The following CTNNA2 variants were observed in gnomAD, a reference collection of about 807,000 sequenced individuals.
CTNNA2 encodes the protein catenin alpha 2, also known as catenin alpha-2.
In CTNNA2, 42 loss-of-function variants were observed where a neutral mutation model predicts 101.0. That is an observed-to-expected ratio of 0.42 (90% CI 0.32 to 0.54). The LOEUF is 0.54. Among genes scored for constraint, CTNNA2 ranks in the 20% least tolerant of loss-of-function variants. CTNNA2 has a pLI of 0.14. For synonymous variants in CTNNA2, 450 were observed against 456.4 expected (o/e 0.99, Z 0.18); for missense variants, 871 against 1,223.1 (o/e 0.71, Z 4.29).
chr2:80,230,704 A>G (rs1196447487), intron 7 of CTNNA2, among the ~76,000 whole-genome samples: 2 of 152,168 alleles, frequency 1.3e-5, no homozygotes, highest in Admixed American at 1.3e-4. Context: ...GAACCACTGC[A>G]GCTATTTTGT....
At chr2:80,586,177 A>C (rs1695956337) in intron 14 of CTNNA2, 2 of 152,222 alleles carry the variant, frequency 1.3e-5, no homozygotes, top group Non-Finnish European at 2.9e-5. Flanking sequence ...AGGGAAGCAT[A>C]TAAAGAAGTT....
chr2:80,096,020 C>T (rs1266872055), intron 7 of CTNNA2, among the ~76,000 whole-genome samples: 1 of 151,902 alleles, frequency 6.6e-6, no homozygotes, highest in South Asian at 2.1e-4. Flanking sequence ...CTGCTCTGAT[C>T]TTAGTTATTT....
chr2:79,866,975 C>T (rs546535081), intron 4 of CTNNA2, among the ~76,000 whole-genome samples: 7 of 152,248 alleles, frequency 4.6e-5, no homozygotes, highest in African/African-American at 1.4e-4. Context: ...CAAATCCAGA[C>T]CAATCTGACC....
chr2:80,430,966 C>A (rs775747150), intron 9 of CTNNA2, among the ~76,000 whole-genome samples: 1 of 151,988 alleles, frequency 6.6e-6, no homozygotes, highest in Non-Finnish European at 1.5e-5. Flanking sequence ...AGATCAGACA[C>A]CTTCAATGCA....
intron 7 of CTNNA2, among the ~76,000 whole-genome samples, chr2:80,346,485 C>T (rs948599452): frequency 3.3e-5 from 5 of 152,252 alleles, no homozygotes; most frequent in South Asian, 4.1e-4. Flanking sequence ...CTTCATGATC[C>T]GAACACCTTC....
chr2:79,912,520 GA>G (rs567141184), intron 7 of CTNNA2, among the ~76,000 whole-genome samples: 2 of 152,316 alleles, frequency 1.3e-5, no homozygotes, highest in African/African-American at 4.8e-5. Flanking sequence ...GGTGATATTT[GA>G]AAAAAGGCTG....
chr2:80,626,040 C>A (rs1029648688), intron 18 of CTNNA2, among the ~76,000 whole-genome samples: 1 of 151,862 alleles, frequency 6.6e-6, no homozygotes, highest in African/African-American at 2.4e-5. Context: ...TTGAAAGTAA[C>A]ATGGTTGATT....
intron 2 of CTNNA2, among the ~76,000 whole-genome samples, chr2:79,235,490 T>G (rs1447829965): frequency 1.3e-5 from 2 of 152,074 alleles, no homozygotes; most frequent in Admixed American, 1.3e-4. Context: ...TTCTGACCGC[T>G]GACTCCATGC....
chr2:80,386,791 T>G (rs1677048683), intron 7 of CTNNA2, among the ~76,000 whole-genome samples: 1 of 152,206 alleles, frequency 6.6e-6, no homozygotes, highest in African/African-American at 2.4e-5. Context: ...TCCTTATACA[T>G]TCAGTCATGT....
At chr2:80,469,567 T>G (rs1246959342) in intron 9 of CTNNA2, among the ~76,000 whole-genome samples, 2 of 152,218 alleles carry the variant, frequency 1.3e-5, no homozygotes, top group East Asian at 1.9e-4. Context: ...GTAGCTTTCT[T>G]GCTGAACACT....
At chr2:80,594,954 T>C (rs1339448269) in intron 15 of CTNNA2, among the ~76,000 whole-genome samples, 1 of 152,132 alleles carries the variant, frequency 6.6e-6, no homozygotes, top group Non-Finnish European at 1.5e-5. Flanking sequence ...TCTCCAATTT[T>C]TGTTCTTTTC....
intron 9 of CTNNA2, among the ~76,000 whole-genome samples, chr2:80,464,071 C>G (rs1030716924): frequency 6.6e-5 from 10 of 152,108 alleles, no homozygotes; most frequent in Admixed American, 3.9e-4. Context: ...ATTGGTCTGT[C>G]CTTGACCCAG....
intron 2 of CTNNA2, among the ~76,000 whole-genome samples, chr2:79,653,672 C>T (rs1023062802): frequency 4.6e-5 from 7 of 152,144 alleles, no homozygotes; most frequent in African/African-American, 1.4e-4. Context: ...CTTTTGAAGT[C>T]TTCATACGTT....
At chr2:79,827,821 A>G (rs1678565991) in intron 3 of CTNNA2, among the ~76,000 whole-genome samples, 1 of 152,246 alleles carries the variant, frequency 6.6e-6, no homozygotes, top group East Asian at 1.9e-4. Context: ...TCACACTGTC[A>G]GGTAGTCACA....
At chr2:80,038,631 AG>A (rs1409126992) in intron 7 of CTNNA2, among the ~76,000 whole-genome samples, 1 of 152,140 alleles carries the variant, frequency 6.6e-6, no homozygotes, top group Non-Finnish European at 1.5e-5. Context: ...GGATCACTTG[AG>A]GTCAGGAGTT....
At chr2:79,877,458 A>T (rs1683111714) in intron 6 of CTNNA2, among the ~76,000 whole-genome samples, 1 of 152,190 alleles carries the variant, frequency 6.6e-6, no homozygotes, top group African/African-American at 2.4e-5. Flanking sequence ...AAATTTTCTC[A>T]TTAAAATAAT....
At chr2:80,434,458 T>C (rs1240302645) in intron 9 of CTNNA2, among the ~76,000 whole-genome samples, 1 of 151,744 alleles carries the variant, frequency 6.6e-6, no homozygotes, top group Non-Finnish European at 1.5e-5. Context: ...ATTGTTGTCA[T>C]TGTTGTCTGT....
At chr2:80,626,110 T>C (rs1671656160) in intron 18 of CTNNA2, among the ~76,000 whole-genome samples, 1 of 152,012 alleles carries the variant, frequency 6.6e-6, no homozygotes, top group Non-Finnish European at 1.5e-5. Context: ...TATATATAAA[T>C]ATGAAATATT....
chr2:80,166,687 A>G (rs1251595812), intron 7 of CTNNA2, among the ~76,000 whole-genome samples: 1 of 152,182 alleles, frequency 6.6e-6, no homozygotes, highest in Non-Finnish European at 1.5e-5. Flanking sequence ...ATGACAGGTC[A>G]CAGTCTGGGG....
Sources: allele counts gnomAD v4.1 joint callset (sites outside exome capture counted in the v4.1 genomes callset), GRCh38; gene constraint gnomAD v4.1.1; transcripts MANE v1.5; gene names NCBI Gene and HGNC (gene_info 2026-07-23, HGNC 2026-07-21).